The following LRRC69 variants were observed in gnomAD, a reference collection of about 807,000 sequenced individuals.
LRRC69 encodes leucine rich repeat containing 69.
Under a neutral mutation model 37.8 loss-of-function variants are expected in LRRC69, and 42 were observed. The observed-to-expected ratio is 1.11, with a 90% CI of 0.87 to 1.44. LRRC69 has a LOEUF of 1.44. Ranked by LOEUF, LRRC69 falls within the 40% of genes most tolerant of loss-of-function variation. The probability of loss-of-function intolerance (pLI) is 0.00; values close to 1 mark genes in which losing one functional copy is unlikely to be tolerated. For synonymous variants in LRRC69, 141 were observed against 143.1 expected (o/e 0.99, Z 0.11); for missense variants, 357 against 401.9 (o/e 0.89, Z 0.96).
intron 5 of LRRC69, among the ~76,000 whole-genome samples, chr8:91,166,172 C>A (rs1809024314): frequency 6.6e-6 from 1 of 151,660 alleles, no homozygotes; most frequent in African/African-American, 2.4e-5. Flanking sequence ...TACTGTCTAC[C>A]ATGAGGATTG....
chr8:91,217,015 G>A (rs1467917284), intron 7 of LRRC69, among the ~76,000 whole-genome samples: 1 of 151,964 alleles, frequency 6.6e-6, no homozygotes, highest in Non-Finnish European at 1.5e-5. Flanking sequence ...TTCTTATATT[G>A]TGAAATCTTG....
chr8:91,115,509 T>C (rs1204314603), intron 1 of LRRC69, among the ~76,000 whole-genome samples: 1 of 151,996 alleles, frequency 6.6e-6, no homozygotes, highest in Non-Finnish European at 1.5e-5. Context: ...TTTAAAATAC[T>C]GTGTCTATTA....
intron 6 of LRRC69, among the ~76,000 whole-genome samples, chr8:91,198,059 T>G (rs922174922): frequency 2.0e-5 from 3 of 152,192 alleles, no homozygotes; most frequent in African/African-American, 7.2e-5. Flanking sequence ...TTAAAGTACT[T>G]GCTGTGTCAA....
intron 5 of LRRC69, among the ~76,000 whole-genome samples, chr8:91,188,778 T>C (rs1188206445): frequency 6.6e-6 from 1 of 152,148 alleles, no homozygotes; most frequent in Non-Finnish European, 1.5e-5. Flanking sequence ...CAATTGGATT[T>C]AGACTTTCTC....
At chr8:91,119,339 A>T (rs1000397525) in intron 1 of LRRC69, among the ~76,000 whole-genome samples, 1 of 152,050 alleles carries the variant, frequency 6.6e-6, no homozygotes, top group Non-Finnish European at 1.5e-5. Flanking sequence ...AGAGACATTT[A>T]TGAATTTAAA....
intron 7 of LRRC69, among the ~76,000 whole-genome samples, chr8:91,210,414 T>C (rs1411547639): frequency 2.0e-5 from 3 of 152,162 alleles, no homozygotes; most frequent in Non-Finnish European, 4.4e-5. Context: ...AATAGCTATC[T>C]TTGTATATTT....
intron 1 of LRRC69, among the ~76,000 whole-genome samples, chr8:91,108,111 G>A (rs1247451882): frequency 6.6e-6 from 1 of 152,028 alleles, no homozygotes; most frequent in Non-Finnish European, 1.5e-5. Flanking sequence ...CTGCTCACAT[G>A]TGCAGCTGAC....
intron 5 of LRRC69, among the ~76,000 whole-genome samples, chr8:91,159,337 G>A (rs763020044): frequency 4.0e-5 from 6 of 151,228 alleles, no homozygotes; most frequent in Non-Finnish European, 8.9e-5. Context: ...ATTAAATCCT[G>A]GTAAGGATAA....
At chr8:91,135,035 CA>C (rs1222125761) in intron 4 of LRRC69, among the ~76,000 whole-genome samples, 3 of 152,022 alleles carry the variant, frequency 2.0e-5, no homozygotes, top group African/African-American at 7.2e-5. Context: ...CAAGAGTCGA[CA>C]GCAACGGAAG....
chr8:91,136,925 T>C (rs549081792), intron 5 of LRRC69, among the ~76,000 whole-genome samples: 52 of 152,196 alleles, frequency 3.4e-4, no homozygotes, highest in African/African-American at 1.1e-3. Flanking sequence ...TTCAGTTGTA[T>C]GTATATACCA....
chr8:91,207,380 T>A (rs867863217), intron 7 of LRRC69, among the ~76,000 whole-genome samples: 21 of 151,268 alleles, frequency 1.4e-4, no homozygotes, highest in African/African-American at 4.8e-4. Flanking sequence ...TTAATAAGTA[T>A]TTTTTTTTAT....
chr8:91,179,023 C>T (rs188014407), intron 5 of LRRC69, among the ~76,000 whole-genome samples: 2 of 152,316 alleles, frequency 1.3e-5, no homozygotes, highest in South Asian at 2.1e-4. Context: ...TTATATTCTG[C>T]ATCTGTAAAT....
At chr8:91,210,374 T>G (rs183622099) in intron 7 of LRRC69, among the ~76,000 whole-genome samples, 2 of 152,278 alleles carry the variant, frequency 1.3e-5, no homozygotes, top group East Asian at 3.9e-4. Context: ...GCAAATAAAT[T>G]TATTGATTGA....
chr8:91,171,402 C>T lies in LRRC69; in HGVS notation c.652-18120C>T, dbSNP rs185481989. ...CACCTCCCCCATAAACCGATTTTTA[C>T]GTCCTTGGGGATGATATCACCCCCT... On this transcript the variant is annotated intron_variant, in intron 5 of 7. Coordinates refer to ENST00000448384, the Ensembl canonical transcript of LRRC69. 3.9e-4 allele frequency among the ~76,000 whole-genome samples: 59 copies of T among 152,024 alleles called. 1 individual carries two copies. The highest frequency in any genetic ancestry group is 3.4e-3 in the Admixed American group (52 of 15,240).
At chr8:91,203,068 G>A (rs1809737529) in intron 7 of LRRC69, among the ~76,000 whole-genome samples, 2 of 152,106 alleles carry the variant, frequency 1.3e-5, no homozygotes, top group Admixed American at 1.3e-4. Flanking sequence ...GCTTGTTGGG[G>A]AGAGATAGAA....
intron 5 of LRRC69, among the ~76,000 whole-genome samples, chr8:91,140,091 C>CAA (rs560827789): frequency 2.7e-4 from 31 of 114,970 alleles, no homozygotes; most frequent in African/African-American, 8.6e-4. Flanking sequence ...AACTCCGTCT[C>CAA]AAAAAAAAAA....
chr8:91,133,760 G>A (rs749153774), intron 4 of LRRC69, among the ~76,000 whole-genome samples: 21 of 151,850 alleles, frequency 1.4e-4, no homozygotes, highest in Non-Finnish European at 2.8e-4. Flanking sequence ...TCAGCCTCCT[G>A]AGTAGCTGGG....
At chr8:91,127,295 A>C (rs1298437511) in intron 3 of LRRC69, 135 bp downstream of exon 3, 6 of 596,904 alleles carry the variant, frequency 1.0e-5, no homozygotes. Flanking sequence ...TGAAGGACTG[A>C]GGCAAGCCAC....
At chr8:91,156,665 A>T (rs1462492659) in intron 5 of LRRC69, among the ~76,000 whole-genome samples, 1 of 150,300 alleles carries the variant, frequency 6.7e-6, no homozygotes, top group Non-Finnish European at 1.5e-5. Context: ...TTCTATTTTG[A>T]TTTTGAGTCT....
Sources: gnomAD v4.1 joint callset for allele counts (sites outside exome capture counted in the v4.1 genomes callset) on GRCh38, gnomAD v4.1.1 for gene constraint, MANE v1.5 for transcripts, NCBI Gene and HGNC (gene_info 2026-07-23, HGNC 2026-07-21) for gene names.